The following EEF1D variants were observed in gnomAD, a reference collection of about 807,000 sequenced individuals.
EEF1D encodes elongation factor 1-delta.
EEF1D carries 47 observed loss-of-function variants against 63.9 expected under a neutral mutation model. The observed-to-expected ratio is 0.74, with a 90% CI of 0.58 to 0.94. EEF1D has a LOEUF of 0.94. Ranked by LOEUF, EEF1D falls within the 40% of genes least tolerant of loss-of-function variation. The probability of loss-of-function intolerance (pLI) is 0.00; values close to 1 mark genes in which losing one functional copy is unlikely to be tolerated. For synonymous variants in EEF1D, 412 were observed against 386.1 expected (o/e 1.07, Z -0.79); for missense variants, 907 against 899.0 (o/e 1.01, Z -0.11).
At chr8:143,580,987 A>G in intron 7 of EEF1D, 67 bp downstream of exon 7, 2 of 1,536,592 alleles carry the variant, frequency 1.3e-6, no homozygotes, top group African/African-American at 1.4e-5. Context: ...GCCAGCCCAC[A>G]GGGCGACGTG....
At position 143,585,981 on chromosome 8, in the gene EEF1D, G is replaced by A. The variant is rs1826505753; in HGVS notation, c.1287+238C>T. 1.3e-5 allele frequency: 6 copies of A among 464,290 alleles called. No individual in the cohort carries two copies. In the East Asian group the frequency reaches 1.3e-4, roughly 10 times the overall value. 28.8% of individuals were successfully genotyped at this position (464,290 alleles called of 1,614,324 possible). On this transcript the variant is annotated intron_variant, in intron 5 of 9. Coordinates refer to ENST00000618139, the MANE Select transcript of EEF1D (RefSeq NM_001130053.5). ...AGCTCCCAGCCGGCCCCACAGGAGC[G>A]GCCAGTGTGACCGCCAGCCGGCAGA...
rs766655388 is a variant in EEF1D at position 143,586,216 on chromosome 8, C to T, written c.1287+3G>A. The T allele has an allele frequency of 1.9e-6, 3 of 1,608,558 alleles. No homozygotes were observed. The Admixed American group carries it at 5.0e-5, about 27-fold the overall frequency. On this transcript the variant is annotated splice_donor_region_variant and intron_variant, in intron 5 of 9. Transcript: ENST00000618139. ...CGCAGGTCCGTGGGCCGCGGGTACT[C>T]ACTCCAGCCAGGGATTTCTGGATGT... is the stretch of plus-strand genomic sequence containing the variant.
At chr8:143,581,409 C>G in intron 5 of EEF1D, 81 bp from the exon 6 acceptor site, 1 of 1,304,062 alleles carries the variant, frequency 7.7e-7, no homozygotes, top group Non-Finnish European at 1.1e-6. Flanking sequence ...TGCAGGAACT[C>G]ACGGAAGGAA....
intron 1 of EEF1D, chr8:143,596,831 G>A (rs944255284): frequency 1.3e-5 from 2 of 152,278 alleles, no homozygotes; most frequent in African/African-American, 2.4e-5. Context: ...TCAAGAGACA[G>A]AAATTTTGAC....
At chr8:143,582,293 G>A (rs879546562) in intron 5 of EEF1D, 2 of 152,380 alleles carry the variant, frequency 1.3e-5, no homozygotes, top group Non-Finnish European at 2.9e-5. Flanking sequence ...AGCCAAACTG[G>A]CCCAGGAGGC....
chr8:143,585,616 T>G (rs1826434876), intron 5 of EEF1D, among the ~76,000 whole-genome samples: 1 of 152,160 alleles, frequency 6.6e-6, no homozygotes, highest in Non-Finnish European at 1.5e-5. Flanking sequence ...TCCCAACTCC[T>G]CGGGAACACC....
Position 143,589,636 on chromosome 8 carries a change from G to A in EEF1D, c.446C>T (p.Thr149Ile). Residue 149 changes from threonine to isoleucine, a missense_variant, in exon 3 of 10, where the codon ACC (threonine) becomes ATC (isoleucine). Coordinates refer to ENST00000618139, the MANE Select transcript of EEF1D (RefSeq NM_001130053.5). ...PPALAPWGLC[T>I]HGNQVACHHV... ...GTGGCAGGCCACCTGGTTTCCATGG[G>A]TGCAGAGACCCCAAGGGGCCAAGGC... 2.6e-6 allele frequency: 4 copies of A among 1,541,684 alleles called. No homozygotes were observed. The highest frequency in any genetic ancestry group is 3.5e-6 in the Non-Finnish European group (4 of 1,142,954).
chr8:143,580,650 G>C lies in EEF1D; in HGVS notation c.1566C>G (p.Asp522Glu), dbSNP rs978998424. The change falls in exon 8 of 10, where the codon GAC (aspartate) becomes GAG (glutamate). Residue 522 changes from aspartate to glutamate, a missense_variant. Coordinates refer to ENST00000618139, the MANE Select transcript of EEF1D (RefSeq NM_001130053.5). ...ATPAEDDEDDDIDLFGSDNEE... is the reference protein window; with the variant it reads ...ATPAEDDEDDEIDLFGSDNEE... Reference sequence around the variant, plus strand: ...CATTGTCACTGCCAAACAGGTCAATGTCATCATCCTCGTCATCCTCTGCTG... The same window carrying C: ...CATTGTCACTGCCAAACAGGTCAATCTCATCATCCTCGTCATCCTCTGCTG... The C allele has an allele frequency of 1.2e-6, 2 of 1,613,866 alleles. No homozygotes were observed. Among genetic ancestry groups the C allele is most frequent in the African/African-American group, 2.7e-5 (2 of 74,940 alleles).
At chr8:143,596,526 A>AG (rs1828856676) in intron 1 of EEF1D, 1 of 152,318 alleles carries the variant, frequency 6.6e-6, no homozygotes, top group Non-Finnish European at 1.5e-5. Context: ...GAGCTGTAGA[A>AG]GGAGGCTGCT....
At chr8:143,596,079 T>A (rs1828756465) in intron 1 of EEF1D, 1 of 152,342 alleles carries the variant, frequency 6.6e-6, no homozygotes, top group Non-Finnish European at 1.5e-5. Flanking sequence ...ATCAAGCACG[T>A]GTGCCCACCT....
At chr8:143,591,373 C>T (rs1354356275) in intron 2 of EEF1D, among the ~76,000 whole-genome samples, 2 of 152,172 alleles carry the variant, frequency 1.3e-5, no homozygotes, top group African/African-American at 2.4e-5. Context: ...GGGATCCTGC[C>T]GGGGGCACGC....
In EEF1D at chr8:143,580,426, G is replaced by A. The variant is rs576001763; in HGVS notation, c.1710+80C>T. On this transcript the variant is annotated intron_variant, in intron 8 of 9. Coordinates refer to ENST00000618139, the MANE Select transcript of EEF1D (RefSeq NM_001130053.5). ...AGTCTCCCCAGAACCCAGAGGGCAG[G>A]GGGAGGGTCACAGGCTGAGCCGGCT... 2.0e-5 allele frequency: 30 copies of A among 1,511,780 alleles called. No individual in the cohort carries two copies. The African/African-American group carries it at 3.7e-4, about 19-fold the overall frequency. 93.6% of individuals were successfully genotyped at this position (1,511,780 alleles called of 1,614,324 possible).
At position 143,581,315 on chromosome 8, in the gene EEF1D, C is replaced by T. The variant is rs1175732549; in HGVS notation, c.1301G>A (p.Gly434Glu). 1.2e-6 allele frequency: 2 copies of T among 1,611,376 alleles called. No individual in the cohort carries two copies. Among genetic ancestry groups the T allele is most frequent in the South Asian group, 1.1e-5 (1 of 90,952 alleles). The change falls in exon 6 of 10, where the codon GGG becomes GAG. Residue 434 changes from glycine (G) to glutamate (E), a missense_variant. Coordinates refer to ENST00000618139, the MANE Select transcript of EEF1D (RefSeq NM_001130053.5). Reference sequence around the variant, plus strand: ...GTCTCCGCTGGTGCCGCTGGAGGCCCCGGGGCCTGAGCTCTGCAAGGCAGG... The same window carrying T: ...GTCTCCGCTGGTGCCGCTGGAGGCCTCGGGGCCTGAGCTCTGCAAGGCAGG... ...QKSLAGSSGP[G>E]ASSGTSGDHG...
chr8:143,589,489 T>C lies in EEF1D; in HGVS notation c.593A>G (p.Asn198Ser), dbSNP rs1445490391. The C allele has an allele frequency of 3.9e-6, 6 of 1,525,094 alleles. No homozygotes were observed. In the African/African-American group the frequency reaches 5.5e-5, roughly 14 times the overall value. The allele number at this position is 1,525,094 out of a possible 1,614,324, so 94.5% of individuals were successfully genotyped here. ...GGGGACGGCCACCTGCTGGCCTGTG[T>C]TGGGAGTCCCCTGCCTGCGGCTGCC... ...PDGSRRQGTPNTGQQVAVPDL... is the reference protein window; with the variant it reads ...PDGSRRQGTPSTGQQVAVPDL... The change falls in exon 3 of 10, where the codon AAC becomes AGC. Residue 198 changes from asparagine (N) to serine (S), a missense_variant. Transcript: ENST00000618139.
chr8:143,580,401 A>G, intron 8 of EEF1D, 105 bp downstream of exon 8: 1 of 1,406,406 alleles, frequency 7.1e-7, no homozygotes, highest in Non-Finnish European at 9.8e-7. Context: ...TCGGCTTTAA[A>G]GTCTCCCCAG....
chr8:143,591,995 C>T (rs1428592250), intron 2 of EEF1D: 25 of 976,950 alleles, frequency 2.6e-5, no homozygotes, highest in Non-Finnish European at 2.9e-5. Flanking sequence ...ATGGCACCAA[C>T]GAGGAACCGG....
At position 143,580,043 on chromosome 8, in the gene EEF1D, A is replaced by T; in HGVS notation, c.1874T>A (p.Leu625Gln). Residue 625 changes from leucine (L) to glutamine (Q), a missense_variant, in exon 9 of 10, where the codon CTG (leucine) becomes CAG (glutamine). Physicochemically the swap from Leu to Gln is moderately radical, Grantham distance 113. Coordinates refer to ENST00000618139, the MANE Select transcript of EEF1D (RefSeq NM_001130053.5). The part of the protein sequence containing the change: ...VEDDKVGTDL[L>Q]EEEITKFEEH... ...CTCAAACTTGGTGATCTCCTCCTCC[A>T]GCAAGTCTGTCCCCACCTTGTCGTC... is the stretch of plus-strand genomic sequence containing the variant. 1 of 1,613,888 alleles carries T rather than the reference A, an allele frequency of 6.2e-7. No homozygotes were observed. Among genetic ancestry groups the T allele is most frequent in the East Asian group, 2.2e-5 (1 of 44,860 alleles).
rs923929673 is a variant in EEF1D at position 143,588,989 on chromosome 8, A to T, written c.1091+2T>A. Reference sequence around the variant, plus strand: ...GGTGCCCACCCAGCACGTTTCTCCTACTTGGGTCTCAGGCTGGACACGGAC... The same window carrying T: ...GGTGCCCACCCAGCACGTTTCTCCTTCTTGGGTCTCAGGCTGGACACGGAC... On this transcript the variant is annotated splice_donor_variant, in intron 3 of 9. Transcript: ENST00000618139. LOFTEE classifies it high-confidence loss of function. The T allele has an allele frequency of 6.3e-7, 1 of 1,594,564 alleles. No homozygotes were observed. The highest frequency in any genetic ancestry group is 1.3e-5 in the African/African-American group (1 of 74,754).
At chr8:143,591,509 G>T (rs981959298) in intron 2 of EEF1D, among the ~76,000 whole-genome samples, 2 of 152,236 alleles carry the variant, frequency 1.3e-5, no homozygotes, top group African/African-American at 4.8e-5. Flanking sequence ...TTCCTCCCCA[G>T]CCATGCCCGA....
Sources: gnomAD v4.1 joint callset for allele counts (sites outside exome capture counted in the v4.1 genomes callset) on GRCh38, gnomAD v4.1.1 for gene constraint, MANE v1.5 for transcripts, NCBI Gene and HGNC (gene_info 2026-07-23, HGNC 2026-07-21) for gene names.